The following PAPPA2 variants were observed in gnomAD, a reference collection of about 807,000 sequenced individuals.
PAPPA2 encodes pappalysin 2.
A neutral mutation model predicts 176.4 loss-of-function variants in PAPPA2; 86 were observed. The ratio of observed to expected loss-of-function variants is 0.49; its 90% confidence interval spans 0.41 to 0.58. PAPPA2 has a LOEUF of 0.58. Among genes scored for constraint, PAPPA2 ranks in the 20% least tolerant of loss-of-function variants. The pLI, the probability that PAPPA2 is intolerant of heterozygous loss-of-function variation, is 0.00. For synonymous variants in PAPPA2, 809 were observed against 852.2 expected (o/e 0.95, Z 0.88); for missense variants, 2,073 against 2,256.9 (o/e 0.92, Z 1.65).
At chr1:176,661,553 G>A (rs1195211128) in intron 3 of PAPPA2, among the ~76,000 whole-genome samples, 1 of 150,122 alleles carries the variant, frequency 6.7e-6, no homozygotes, top group Non-Finnish European at 1.5e-5. Context: ...ATCCACACCA[G>A]CAAAGAGGGT....
intron 14 of PAPPA2, among the ~76,000 whole-genome samples, chr1:176,748,539 C>A (rs1032155355): frequency 8.5e-5 from 13 of 152,108 alleles, no homozygotes; most frequent in Non-Finnish European, 1.8e-4. Context: ...TTCTTCATGG[C>A]TCAACTGGTA....
chr1:176,681,867 T>A (rs1659600185), intron 4 of PAPPA2, among the ~76,000 whole-genome samples: 1 of 152,106 alleles, frequency 6.6e-6, no homozygotes, highest in Non-Finnish European at 1.5e-5. Flanking sequence ...GTGGGTGGTC[T>A]GGGGAGGTGA....
intron 21 of PAPPA2, among the ~76,000 whole-genome samples, chr1:176,814,884 A>G (rs1393633211): frequency 6.6e-6 from 1 of 152,220 alleles, no homozygotes; most frequent in East Asian, 1.9e-4. Flanking sequence ...GAATGCTTCC[A>G]GATTTTGCCC....
rs72715185 is a variant in PAPPA2 at position 176,504,757 on chromosome 1, A to C, written c.-917+41339A>C. 5.3e-3 allele frequency among the ~76,000 whole-genome samples: 809 copies of C among 152,294 alleles called. 4 individuals are homozygous for C. The highest frequency in any genetic ancestry group is 9.0e-3 in the Non-Finnish European group (611 of 68,008). On this transcript the variant is annotated intron_variant, in intron 1 of 22. Coordinates refer to ENST00000367662, the MANE Select transcript of PAPPA2 (RefSeq NM_020318.3). ...CCATGTGACCTGCTTAGACCAATGC[A>C]ATGTGTCACTTTCAAGGCAAAAGTT... is the stretch of plus-strand genomic sequence containing the variant.
chr1:176,674,410 G>A (rs1254635632), intron 4 of PAPPA2, among the ~76,000 whole-genome samples: 2 of 151,964 alleles, frequency 1.3e-5, no homozygotes, highest in South Asian at 2.1e-4. Flanking sequence ...CCCTTGCCCT[G>A]CTCCCACACT....
In PAPPA2 at chr1:176,560,854, C is replaced by G. The variant is rs139329257; in HGVS notation, c.919+3613C>G. On this transcript the variant is annotated intron_variant, in intron 2 of 22. Coordinates refer to ENST00000367662, the MANE Select transcript of PAPPA2 (RefSeq NM_020318.3). ...TCCCTGAAGTTGCCCAGCTGAGTAA[C>G]CACCTGCAGCTCCAAGTTGCAGGAG... Among the ~76,000 whole-genome samples, 300 of 152,366 alleles carry G rather than the reference C, an allele frequency of 2.0e-3. 2 individuals carry two copies. Among genetic ancestry groups the G allele is most frequent in the African/African-American group, 7.1e-3 (294 of 41,576 alleles).
chr1:176,684,517 C>T (rs984271098), intron 4 of PAPPA2, among the ~76,000 whole-genome samples: 1 of 152,064 alleles, frequency 6.6e-6, no homozygotes, highest in African/African-American at 2.4e-5. Context: ...AGAAGGGATT[C>T]AACTGTAAGG....
intron 1 of PAPPA2, among the ~76,000 whole-genome samples, chr1:176,510,700 A>G (rs182055422): frequency 6.6e-6 from 1 of 152,096 alleles, no homozygotes; most frequent in Admixed American, 6.5e-5. Context: ...ATATAATAGT[A>G]CAAAGAATGG....
intron 1 of PAPPA2, among the ~76,000 whole-genome samples, chr1:176,508,843 G>C (rs1342534660): frequency 6.6e-6 from 1 of 152,002 alleles, no homozygotes; most frequent in African/African-American, 2.4e-5. Context: ...TATGTGCCTT[G>C]CTTCCCCATC....
chr1:176,640,509 A>G (rs1445577215), intron 3 of PAPPA2, among the ~76,000 whole-genome samples: 1 of 151,890 alleles, frequency 6.6e-6, no homozygotes, highest in African/African-American at 2.4e-5. Context: ...ATGTCCCTAC[A>G]AAGGACATGA....
chr1:176,723,551 T>C (rs1179772058), intron 12 of PAPPA2, among the ~76,000 whole-genome samples: 1 of 152,064 alleles, frequency 6.6e-6, no homozygotes, highest in Non-Finnish European at 1.5e-5. Flanking sequence ...TACACTTTAA[T>C]CTTGATTTGA....
chr1:176,591,969 A>T (rs1041983419), intron 2 of PAPPA2, among the ~76,000 whole-genome samples: 12 of 152,200 alleles, frequency 7.9e-5, no homozygotes, highest in African/African-American at 2.2e-4. Context: ...ATTTCGTTCT[A>T]CTAAGCTCAG....
intron 17 of PAPPA2, among the ~76,000 whole-genome samples, chr1:176,786,298 A>T (rs1664932145): frequency 6.6e-6 from 1 of 152,218 alleles, no homozygotes; most frequent in Admixed American, 6.5e-5. Flanking sequence ...TATAAAGTTT[A>T]AAACCAGGCA....
At chr1:176,581,523 GT>G (rs1224663301) in intron 2 of PAPPA2, among the ~76,000 whole-genome samples, 1 of 152,094 alleles carries the variant, frequency 6.6e-6, no homozygotes, top group African/African-American at 2.4e-5. Flanking sequence ...TTTGATAGGG[GT>G]TGCATTGATA....
intron 1 of PAPPA2, among the ~76,000 whole-genome samples, chr1:176,504,545 C>CA (rs1250994833): frequency 2.0e-5 from 3 of 152,142 alleles, no homozygotes; most frequent in Non-Finnish European, 4.4e-5. Flanking sequence ...TAAGCACAGA[C>CA]TGTGTTCAGG....
intron 3 of PAPPA2, among the ~76,000 whole-genome samples, chr1:176,600,004 A>G (rs1402916650): frequency 6.6e-6 from 1 of 152,066 alleles, no homozygotes; most frequent in East Asian, 1.9e-4. Flanking sequence ...TTGAATCTTT[A>G]TTATTAAAAA....
In PAPPA2 at chr1:176,845,074, A is replaced by G. The variant is rs1198800206; in HGVS notation, c.*2620A>G. On this transcript the variant is annotated 3_prime_UTR_variant, in exon 23 of 23. Coordinates refer to ENST00000367662, the MANE Select transcript of PAPPA2 (RefSeq NM_020318.3). The stretch of plus-strand genomic sequence containing the variant: ...GTTCCTGGGACCTGATGTTTTGAGC[A>G]ACTCAGGTCACTGATAAAGTGGAAG... 2 of 152,140 alleles carry G rather than the reference A, an allele frequency of 1.3e-5. No homozygotes were observed. Among genetic ancestry groups the G allele is most frequent in the African/African-American group, 2.4e-5 (1 of 41,430 alleles). The allele number at this position is 152,140 out of a possible 1,614,324, so 9.4% of individuals were successfully genotyped here.
chr1:176,473,966 A>G (rs1652002532), intron 1 of PAPPA2, among the ~76,000 whole-genome samples: 1 of 152,210 alleles, frequency 6.6e-6, no homozygotes, highest in Non-Finnish European at 1.5e-5. Flanking sequence ...AGCTGTATCA[A>G]CCATAGACTT....
chr1:176,699,664 A>C (rs1180306820), intron 8 of PAPPA2, 75 bp downstream of exon 8: 10 of 1,513,806 alleles, frequency 6.6e-6, no homozygotes, highest in Non-Finnish European at 8.9e-6. Flanking sequence ...CCCACTTTTT[A>C]ATATTCAGCC....
Sources: gnomAD v4.1 joint callset for allele counts (sites outside exome capture counted in the v4.1 genomes callset) on GRCh38, gnomAD v4.1.1 for gene constraint, MANE v1.5 for transcripts, NCBI Gene and HGNC (gene_info 2026-07-23, HGNC 2026-07-21) for gene names.